The following ZBBX variants were observed in gnomAD, a reference collection of about 807,000 sequenced individuals.
The protein encoded by ZBBX is zinc finger B-box domain-containing protein 1.
ZBBX carries 101 observed loss-of-function variants against 108.5 expected under a neutral mutation model. The observed-to-expected ratio is 0.93, with a 90% CI of 0.79 to 1.10. The LOEUF is 1.10. ZBBX is among the 50% of genes least tolerant of loss of function. ZBBX has a pLI of 0.00. For missense variants in ZBBX, 1,009 were observed against 941.4 expected (o/e 1.07, Z -0.94); for synonymous variants, 356 against 323.4 (o/e 1.10, Z -1.08).
chr3:167,193,852 T>C, the ZBBX span, among the ~76,000 whole-genome samples: 1 of 152,150 alleles, frequency 6.6e-6, no homozygotes, highest in African/African-American at 2.4e-5. Context: ...CTGGTTATTA[T>C]GTTAAATGAA....
chr3:167,361,992 C>T lies in ZBBX; in HGVS notation c.274-1269G>A, dbSNP rs368864234. 3.4e-4 allele frequency among the ~76,000 whole-genome samples: 52 copies of T among 152,162 alleles called. No homozygotes were observed. In the East Asian group the frequency reaches 5.6e-3, roughly 16 times the overall value. Reference sequence around the variant, plus strand: ...CCATATTTATTTCAAGTGATTCAAACTGCATAAAAATATTTCAGTGAACAA... The same window carrying T: ...CCATATTTATTTCAAGTGATTCAAATTGCATAAAAATATTTCAGTGAACAA... On this transcript the variant is annotated intron_variant, in intron 6 of 21. Coordinates refer to ENST00000675490, the MANE Select transcript of ZBBX (RefSeq NM_001199201.2).
Position 167,350,425 on chromosome 3 carries a change from A to C in ZBBX, c.523T>G (p.Leu175Val), listed in dbSNP as rs1187412266. Reference sequence around the variant, plus strand: ...ATCATTTTAGAAAGCCATACCTGCAAAAGAGTTGTTCTGTGGAGCTTTAGT... The same window carrying C: ...ATCATTTTAGAAAGCCATACCTGCACAAGAGTTGTTCTGTGGAGCTTTAGT... ...GALKLHRTTL[L>V]QAKSQILFNV... The change falls in exon 9 of 22, where the codon TTG becomes GTG. Residue 175 changes from leucine to valine, a missense_variant. Transcript: ENST00000675490. 1 of 1,589,622 alleles carries C rather than the reference A, an allele frequency of 6.3e-7. No individual in the cohort carries two copies. The highest frequency in any genetic ancestry group is 1.2e-5 in the South Asian group (1 of 86,242).
chr3:167,386,433 T>C (rs1747925504), intron 1 of ZBBX, among the ~76,000 whole-genome samples: 1 of 152,096 alleles, frequency 6.6e-6, no homozygotes, highest in Non-Finnish European at 1.5e-5. Context: ...CTCCAAAGTA[T>C]AGATTCCCAG....
chr3:167,230,772 A>G, the ZBBX span, among the ~76,000 whole-genome samples: 2 of 151,896 alleles, frequency 1.3e-5, no homozygotes, highest in East Asian at 1.9e-4. Flanking sequence ...AAAAGTAGGC[A>G]TTAGTTCTCA....
chr3:167,397,934 A>C (rs987138580), intron 1 of ZBBX, among the ~76,000 whole-genome samples: 1 of 151,916 alleles, frequency 6.6e-6, no homozygotes, highest in Non-Finnish European at 1.5e-5. Context: ...TAAGGAGACA[A>C]CAATCAAGCA....
At chr3:167,348,396 G>A (rs1289910239) in intron 9 of ZBBX, among the ~76,000 whole-genome samples, 1 of 139,782 alleles carries the variant, frequency 7.2e-6, no homozygotes, top group African/African-American at 2.7e-5. Context: ...AGAAGAAGGA[G>A]GGAGGGAGAG....
rs1000883899 is a variant in ZBBX at position 167,293,289 on chromosome 3, C to A, written c.1880-4306G>T. The stretch of plus-strand genomic sequence containing the variant: ...CCAATATCCCTGATGAATATCTATG[C>A]GAAAATCCTCAATAATACTGGCAAA... On this transcript the variant is annotated intron_variant, in intron 18 of 21. Coordinates refer to ENST00000675490, the MANE Select transcript of ZBBX (RefSeq NM_001199201.2). Among the ~76,000 whole-genome samples the A allele has an allele frequency of 2.0e-5, 3 of 152,188 alleles. No homozygotes were observed. The South Asian group carries it at 6.2e-4, about 32-fold the overall frequency.
chr3:167,287,210 T>G (rs906618832), intron 19 of ZBBX, among the ~76,000 whole-genome samples: 2 of 152,098 alleles, frequency 1.3e-5, no homozygotes, highest in African/African-American at 4.8e-5. Context: ...TACTCATAGG[T>G]CTTTTTATAA....
chr3:167,381,299 G>C (rs1380692137), upstream of ZBBX: 2 of 152,166 alleles, frequency 1.3e-5, no homozygotes, highest in African/African-American at 2.4e-5. Context: ...ATTCAAGATT[G>C]AGTGCCAGTA....
At position 167,271,689 on chromosome 3, in the gene ZBBX, T is replaced by TA. The variant is rs200991956; in HGVS notation, c.2254+10548dup. 3.4e-3 allele frequency among the ~76,000 whole-genome samples: 523 copies of TA among 151,954 alleles called. 3 individuals are homozygous for TA. The highest frequency in any genetic ancestry group is 0.017 in the Middle Eastern group (5 of 294). On this transcript the variant is annotated intron_variant, in intron 20 of 21. Coordinates refer to ENST00000675490, the MANE Select transcript of ZBBX (RefSeq NM_001199201.2). The stretch of plus-strand genomic sequence containing the variant: ...AAGTCATGGACAGTTGCTTAATATG[T>TA]AAAAAAAACCCAACAAACAAGTTAT...
intron 9 of ZBBX, among the ~76,000 whole-genome samples, chr3:167,345,784 T>G (rs1741340576): frequency 1.3e-5 from 2 of 151,842 alleles, no homozygotes; most frequent in Admixed American, 1.3e-4. Context: ...AGAACAAAGC[T>G]GGAGGCATCA....
chr3:167,265,483 A>C (rs896950435), intron 20 of ZBBX, among the ~76,000 whole-genome samples: 1 of 151,630 alleles, frequency 6.6e-6, no homozygotes, highest in African/African-American at 2.4e-5. Context: ...CTTACTCTTC[A>C]CTCTCTTTCA....
the ZBBX span, among the ~76,000 whole-genome samples, chr3:167,222,631 C>T: frequency 6.6e-6 from 1 of 151,786 alleles, no homozygotes; most frequent in African/African-American, 2.4e-5. Context: ...TACATTTACC[C>T]TGATGTATTA....
chr3:167,331,598 A>G (rs567891461), intron 10 of ZBBX: 36 of 985,384 alleles, frequency 3.7e-5, no homozygotes, highest in Non-Finnish European at 4.3e-5. Flanking sequence ...GGGTAGAAAA[A>G]GCTGGAGGGT....
At chr3:167,222,268 G>T in the ZBBX span, among the ~76,000 whole-genome samples, 1 of 151,470 alleles carries the variant, frequency 6.6e-6, no homozygotes, top group African/African-American at 2.4e-5. Flanking sequence ...AACATGGATG[G>T]AACTGGAGGT....
At chr3:167,319,292 T>C (rs1346105965) in intron 12 of ZBBX, among the ~76,000 whole-genome samples, 1 of 152,028 alleles carries the variant, frequency 6.6e-6, no homozygotes, top group East Asian at 1.9e-4. Context: ...CTGTATGATT[T>C]CATTTATATG....
chr3:167,276,035 G>A (rs1727510907), intron 20 of ZBBX, among the ~76,000 whole-genome samples: 1 of 152,120 alleles, frequency 6.6e-6, no homozygotes, highest in Admixed American at 6.6e-5. Flanking sequence ...ACCTCACACG[G>A]CCGGGTACTC....
At chr3:167,393,667 T>C (rs1748145317) in intron 1 of ZBBX, among the ~76,000 whole-genome samples, 1 of 151,908 alleles carries the variant, frequency 6.6e-6, no homozygotes, top group Non-Finnish European at 1.5e-5. Context: ...GTTGTTTGCG[T>C]TTCACTGAAG....
chr3:167,386,684 G>A (rs1421627622), intron 1 of ZBBX, among the ~76,000 whole-genome samples: 1 of 151,914 alleles, frequency 6.6e-6, no homozygotes, highest in East Asian at 1.9e-4. Flanking sequence ...TAGCTTTAGG[G>A]AAAAGCTCAT....
Sources: allele counts gnomAD v4.1 joint callset (sites outside exome capture counted in the v4.1 genomes callset), GRCh38; gene constraint gnomAD v4.1.1; transcripts MANE v1.5; gene names NCBI Gene and HGNC (gene_info 2026-07-23, HGNC 2026-07-21).